Variants in COLEC12 observed in about 807,000 individuals in gnomAD.
COLEC12 encodes collectin subfamily member 12, also known as collectin-12.
COLEC12 carries 33 observed loss-of-function variants against 71.1 expected under a neutral mutation model. The observed-to-expected ratio is 0.46, with a 90% CI of 0.35 to 0.62. The LOEUF is 0.62. Among genes scored for constraint, COLEC12 ranks in the 20% least tolerant of loss-of-function variants. The pLI, the probability that COLEC12 is intolerant of heterozygous loss-of-function variation, is 0.00. For synonymous variants in COLEC12, 350 were observed against 353.0 expected (o/e 0.99, Z 0.10); for missense variants, 765 against 916.1 (o/e 0.84, Z 2.13).
At chr18:321,828 G>C in intron 8 of COLEC12, 21 bp from the exon 9 acceptor site, 1 of 1,611,912 alleles carries the variant, frequency 6.2e-7, no homozygotes, top group Non-Finnish European at 8.5e-7. Flanking sequence ...AACAGAAATT[G>C]AATGTTATTT....
intron 2 of COLEC12, among the ~76,000 whole-genome samples, chr18:432,300 T>C (rs1269808745): frequency 4.6e-5 from 7 of 152,182 alleles, no homozygotes; most frequent in African/African-American, 1.7e-4. Context: ...AACAATATTA[T>C]CATCAGCAAA....
chr18:335,313 C>T, intron 5 of COLEC12, 83 bp from the exon 6 acceptor site: 1 of 1,445,070 alleles, frequency 6.9e-7, no homozygotes, highest in Non-Finnish European at 9.2e-7. Flanking sequence ...ATAAAATCTC[C>T]AAATTAAAAA....
At chr18:495,913 T>C (rs115806174) in intron 1 of COLEC12, among the ~76,000 whole-genome samples, 3,250 of 152,228 alleles carry the variant, frequency 0.021, 106 homozygotes, top group African/African-American at 0.075. Flanking sequence ...AGTTTTCCTA[T>C]CATAAAATGG....
chr18:391,157 G>A (rs1267055937), intron 2 of COLEC12, among the ~76,000 whole-genome samples: 1 of 152,146 alleles, frequency 6.6e-6, no homozygotes, highest in African/African-American at 2.4e-5. Context: ...AACGTGAGGA[G>A]GGCTATTGGT....
chr18:351,469 T>C (rs1914520580), intron 3 of COLEC12, among the ~76,000 whole-genome samples: 2 of 152,314 alleles, frequency 1.3e-5, no homozygotes, highest in Admixed American at 1.3e-4. Context: ...TTATATCCTT[T>C]AGGGCAGGAA....
At position 347,196 on chromosome 18, in the gene COLEC12, G is replaced by T. The variant is rs34928284; in HGVS notation, c.426C>A (p.Ser142Arg). ...TCTGCCTGTCCACCAGAGCATCCCC[G>T]CTCGCCTGTAACTTCTCCAGCGTAT... ...NKDTLEKLQASGDALVDRQSQ... is the reference protein window; with the variant it reads ...NKDTLEKLQARGDALVDRQSQ... The change falls in exon 5 of 10, where the codon AGC becomes AGA. Residue 142 changes from serine (S) to arginine (R), a missense_variant. Transcript: ENST00000400256. The T allele has an allele frequency of 1.9e-5, 30 of 1,613,940 alleles. No homozygotes were observed. The African/African-American group carries it at 3.2e-4, about 17-fold the overall frequency.
chr18:424,290 C>G (rs770663016), intron 2 of COLEC12: 3 of 152,136 alleles, frequency 2.0e-5, no homozygotes, highest in Non-Finnish European at 4.4e-5. Flanking sequence ...GCTGCGAGCC[C>G]GTCGCCATCC....
Position 346,465 on chromosome 18 carries a change from T to C in COLEC12, c.1157A>G (p.Asn386Ser), listed in dbSNP as rs988228721. 26 of 1,614,216 alleles carry C rather than the reference T, an allele frequency of 1.6e-5. No individual in the cohort carries two copies. The highest frequency in any genetic ancestry group is 2.0e-5 in the Non-Finnish European group (24 of 1,180,036). Residue 386 changes from asparagine (N) to serine (S), a missense_variant, in exon 5 of 10, where the codon AAT (asparagine) becomes AGT (serine). Coordinates refer to ENST00000400256, the MANE Select transcript of COLEC12 (RefSeq NM_130386.3). This position sits in a 1 kb window ranked among gnomAD's most constrained non-coding sequence, Gnocchi z 4.0. Reference protein sequence around the residue: ...TKHTDDLTSLNNTLANIRLDS... With the variant: ...TKHTDDLTSLSNTLANIRLDS... ...CAAACGGATGTTGGCCAGGGTATTA[T>C]TCAAGGAGGTCAGATCATCTGTGTG...
At chr18:355,036 AATCCATCCATGC>A (rs919039775) in intron 3 of COLEC12, among the ~76,000 whole-genome samples, 2 of 149,176 alleles carry the variant, frequency 1.3e-5, no homozygotes, top group South Asian at 4.2e-4. Context: ...ACAATCCATC[AATCCATCCATGC>A]ATCCATCCAT....
At chr18:445,491 T>C (rs1184020373) in intron 2 of COLEC12, among the ~76,000 whole-genome samples, 1 of 152,156 alleles carries the variant, frequency 6.6e-6, no homozygotes, top group Non-Finnish European at 1.5e-5. Context: ...ATATGCCCAT[T>C]TAAAGTATAC....
At chr18:489,893 A>G (rs1260522398) in intron 1 of COLEC12, among the ~76,000 whole-genome samples, 1 of 152,246 alleles carries the variant, frequency 6.6e-6, no homozygotes, top group Non-Finnish European at 1.5e-5. Context: ...GATGAAAAAA[A>G]AGTGAAGCAA....
intron 1 of COLEC12, among the ~76,000 whole-genome samples, chr18:499,876 A>C (rs1567927554): frequency 1.3e-5 from 2 of 151,800 alleles, no homozygotes; most frequent in African/African-American, 4.8e-5. Context: ...ACCAGTGGGC[A>C]CACCCCAAGG....
At chr18:429,474 C>T (rs2199856) in intron 2 of COLEC12, among the ~76,000 whole-genome samples, 15,560 of 151,694 alleles carry the variant, frequency 0.1, 1,239 homozygotes, top group East Asian at 0.37. Context: ...CTCTGCTTCT[C>T]GGGTTCAAGT....
intron 2 of COLEC12, among the ~76,000 whole-genome samples, chr18:469,723 T>C (rs2143750845): frequency 6.6e-6 from 1 of 152,296 alleles, no homozygotes; most frequent in South Asian, 2.1e-4. Flanking sequence ...AATTTATATG[T>C]GGATCCCTGA....
At chr18:396,602 ACAAGGCCCTGGC>A (rs1234967504) in intron 2 of COLEC12, among the ~76,000 whole-genome samples, 9 of 152,242 alleles carry the variant, frequency 5.9e-5, no homozygotes, top group African/African-American at 2.2e-4. Flanking sequence ...AAAATTTACC[ACAAGGCCCTGGC>A]CAAGGCCAGT....
chr18:460,147 G>A (rs909896807), intron 2 of COLEC12, among the ~76,000 whole-genome samples: 1 of 152,158 alleles, frequency 6.6e-6, no homozygotes, highest in African/African-American at 2.4e-5. Flanking sequence ...TTTTTGACAA[G>A]AGACTTCATT....
rs529297404 is a variant in COLEC12, at chr18:337,559, A to G, written c.1328-2329T>C. On this transcript the variant is annotated intron_variant, in intron 5 of 9. Transcript: ENST00000400256. The stretch of plus-strand genomic sequence containing the variant: ...TTACGCTAATGGCAAGGACTGGCCT[A>G]AATGCATTCTTTCTAGTGTTATCTG... 6.6e-5 allele frequency among the ~76,000 whole-genome samples: 10 copies of G among 152,296 alleles called. No individual in the cohort carries two copies. The South Asian group carries it at 1.7e-3, about 25-fold the overall frequency.
intron 2 of COLEC12, among the ~76,000 whole-genome samples, chr18:416,798 A>C (rs2143645965): frequency 6.7e-6 from 1 of 149,302 alleles, no homozygotes; most frequent in South Asian, 2.2e-4. Flanking sequence ...TTAAATTTAG[A>C]AGACCTATCT....
chr18:368,779 T>G (rs1029145389), intron 2 of COLEC12, among the ~76,000 whole-genome samples: 4 of 152,096 alleles, frequency 2.6e-5, no homozygotes, highest in African/African-American at 7.2e-5. Flanking sequence ...GGCAGGAGAA[T>G]GGCGTGAACC....
Sources: gnomAD v4.1 joint callset for allele counts (sites outside exome capture counted in the v4.1 genomes callset) on GRCh38, gnomAD v4.1.1 for gene constraint, Gnocchi (gnomAD v3.1) non-coding constraint, MANE v1.5 for transcripts, NCBI Gene and HGNC (gene_info 2026-07-23, HGNC 2026-07-21) for gene names.